Variants in ROBO1 observed in about 807,000 individuals in gnomAD.
ROBO1 encodes roundabout homolog 1.
Under a neutral mutation model 195.9 loss-of-function variants are expected in ROBO1, and 149 were observed. That is an observed-to-expected ratio of 0.76 (90% CI 0.67 to 0.87). The LOEUF is 0.87. Ranked by LOEUF, ROBO1 falls within the 40% of genes least tolerant of loss-of-function variation. ROBO1 has a pLI of 0.00. For synonymous variants in ROBO1, 816 were observed against 733.2 expected (o/e 1.11, Z -1.82); for missense variants, 1,933 against 2,068.3 (o/e 0.93, Z 1.27).
intron 2 of ROBO1, among the ~76,000 whole-genome samples, chr3:79,411,443 T>C (rs933648612): frequency 1.3e-5 from 2 of 151,524 alleles, no homozygotes; most frequent in African/African-American, 4.9e-5. Flanking sequence ...AATTGTAAAG[T>C]ATCAGCTTTT....
intron 2 of ROBO1, among the ~76,000 whole-genome samples, chr3:79,584,219 T>C (rs1277720964): frequency 2.0e-5 from 3 of 149,338 alleles, no homozygotes; most frequent in Admixed American, 6.8e-5. Context: ...CATATATTAA[T>C]AGATATACAT....
intron 1 of ROBO1, among the ~76,000 whole-genome samples, chr3:79,725,813 A>G (rs1477621042): frequency 6.6e-6 from 1 of 152,114 alleles, no homozygotes; most frequent in Non-Finnish European, 1.5e-5. Context: ...TACTGAATAT[A>G]TGCAGTGCTT....
chr3:79,417,040 A>G (rs932857358), intron 2 of ROBO1, among the ~76,000 whole-genome samples: 2 of 152,204 alleles, frequency 1.3e-5, no homozygotes, highest in Admixed American at 1.3e-4. Context: ...AGGTAAAAAA[A>G]TTAGCAGAAC....
At chr3:79,147,728 C>A (rs1440397618) in intron 2 of ROBO1, among the ~76,000 whole-genome samples, 1 of 151,926 alleles carries the variant, frequency 6.6e-6, no homozygotes, top group African/African-American at 2.4e-5. Context: ...TCTTTTGGTG[C>A]TTAGTTTCAT....
intron 3 of ROBO1, among the ~76,000 whole-genome samples, chr3:78,970,340 T>C (rs2076735538): frequency 6.6e-6 from 1 of 152,200 alleles, no homozygotes; most frequent in African/African-American, 2.4e-5. Flanking sequence ...TTTTCCTTCT[T>C]TGATGCTGGC....
intron 4 of ROBO1, among the ~76,000 whole-genome samples, chr3:78,799,512 T>A (rs6766552): frequency 0.027 from 4,040 of 152,110 alleles, 154 homozygotes; most frequent in African/African-American, 0.091. Flanking sequence ...CGGCTAATTT[T>A]TTGTATTTTT....
chr3:78,848,723 G>C (rs1318148674), intron 4 of ROBO1, among the ~76,000 whole-genome samples: 1 of 152,142 alleles, frequency 6.6e-6, no homozygotes, highest in African/African-American at 2.4e-5. Context: ...TCCTTCCACA[G>C]ATCTTGGCTT....
chr3:78,657,369 C>T (rs9818170), intron 17 of ROBO1, 100 bp from the exon 18 acceptor site: 292,874 of 1,164,124 alleles, frequency 0.25, 35,696 homozygotes, highest in East Asian at 0.26. Context: ...GAGTACTAAA[C>T]TGTCATGCAC....
intron 2 of ROBO1, among the ~76,000 whole-genome samples, chr3:79,337,283 G>A (rs1342248740): frequency 1.3e-5 from 2 of 152,204 alleles, no homozygotes; most frequent in African/African-American, 4.8e-5. Context: ...GATTGTCTGT[G>A]TTCCCACCCA....
At chr3:79,023,413 T>A (rs965646910) in intron 3 of ROBO1, among the ~76,000 whole-genome samples, 1 of 152,014 alleles carries the variant, frequency 6.6e-6, no homozygotes, top group African/African-American at 2.4e-5. Context: ...AAAAGGAGAG[T>A]AAATTGAGAT....
chr3:78,852,285 G>A (rs2034113687), intron 4 of ROBO1, among the ~76,000 whole-genome samples: 1 of 152,084 alleles, frequency 6.6e-6, no homozygotes. Context: ...TTAAACCTCT[G>A]TAACATATCT....
intron 3 of ROBO1, among the ~76,000 whole-genome samples, chr3:79,008,897 G>GTGTT (rs1198163069): frequency 6.8e-6 from 1 of 146,368 alleles, no homozygotes; most frequent in Non-Finnish European, 1.5e-5. Context: ...CCGTGTGTGT[G>GTGTT]TGTGTGTGTG....
intron 1 of ROBO1, among the ~76,000 whole-genome samples, chr3:79,648,669 C>T (rs1945907264): frequency 6.6e-6 from 1 of 151,908 alleles, no homozygotes; most frequent in Admixed American, 6.6e-5. Flanking sequence ...GAGTAAATGG[C>T]TGAATTTATT....
intron 3 of ROBO1, among the ~76,000 whole-genome samples, chr3:79,097,423 C>T (rs577995465): frequency 1.5e-4 from 23 of 151,736 alleles, no homozygotes; most frequent in African/African-American, 4.8e-4. Context: ...TGCTTTGTTT[C>T]AAGTAATATA....
intron 4 of ROBO1, among the ~76,000 whole-genome samples, chr3:78,893,677 C>T (rs2037052421): frequency 6.6e-6 from 1 of 152,040 alleles, no homozygotes; most frequent in South Asian, 2.1e-4. Context: ...TAAAACAATG[C>T]ACTTGTATTA....
chr3:79,354,201 G>C (rs1454234454), intron 2 of ROBO1, among the ~76,000 whole-genome samples: 1 of 152,156 alleles, frequency 6.6e-6, no homozygotes, highest in Non-Finnish European at 1.5e-5. Flanking sequence ...CAAGTACCAA[G>C]AACTCTTTTA....
intron 2 of ROBO1, among the ~76,000 whole-genome samples, chr3:79,177,456 G>A (rs113473490): frequency 2.4e-4 from 36 of 152,186 alleles, no homozygotes; most frequent in African/African-American, 8.2e-4. Flanking sequence ...TAGGATGGGC[G>A]GACCCTCCTA....
At chr3:79,322,828 A>G (rs1251341953) in intron 2 of ROBO1, among the ~76,000 whole-genome samples, 2 of 152,210 alleles carry the variant, frequency 1.3e-5, no homozygotes, top group African/African-American at 4.8e-5. Context: ...TACTTTTAAG[A>G]TAATTCTTGT....
At chr3:79,726,029 A>T (rs1445228690) in intron 1 of ROBO1, among the ~76,000 whole-genome samples, 3 of 152,222 alleles carry the variant, frequency 2.0e-5, no homozygotes, top group Non-Finnish European at 4.4e-5. Context: ...GACTAAATTC[A>T]AACAAGAGTC....
Sources: gnomAD v4.1 joint callset for allele counts (sites outside exome capture counted in the v4.1 genomes callset) on GRCh38, gnomAD v4.1.1 for gene constraint, MANE v1.5 for transcripts, NCBI Gene and HGNC (gene_info 2026-07-23, HGNC 2026-07-21) for gene names.